DLG5: variants seen among roughly 807,000 people sequenced by gnomAD.
DLG5 encodes discs large MAGUK scaffold protein 5, also known as disks large homolog 5.
A neutral mutation model predicts 189.8 loss-of-function variants in DLG5; 48 were observed. The observed-to-expected ratio is 0.25, with a 90% CI of 0.20 to 0.32. The LOEUF (loss-of-function observed/expected upper bound fraction) is 0.32, where lower values mean the gene tolerates loss of function less well. DLG5 is among the 10% of genes least tolerant of loss of function. The pLI is 1.00. For missense variants in DLG5, 2,160 were observed against 2,544.7 expected (o/e 0.85, Z 3.25); for synonymous variants, 1,016 against 1,054.1 (o/e 0.96, Z 0.70).
chr10:77,926,642 C>CCATG lies in DLG5; in HGVS notation c.-126_-123dup, dbSNP rs1350637410. On this transcript the variant is annotated 5_prime_UTR_variant, in exon 1 of 32. The change creates a new upstream start codon in the 5' untranslated region. Coordinates refer to ENST00000372391, the MANE Select transcript of DLG5 (RefSeq NM_004747.4). This position sits in a 1 kb window ranked among gnomAD's most constrained non-coding sequence, Gnocchi z 5.2. ...GCCGGGAGCCGTGAGGCGGCGGGAGCCATGGGCCGGGGCCTGGGCGGGCTG... is the reference window on the plus strand; with the variant it reads ...GCCGGGAGCCGTGAGGCGGCGGGAGCCATGCATGGGCCGGGGCCTGGGCGGGCTG... 1.4e-6 allele frequency: 1 copy of CCATG among 739,666 alleles called. No individual in the cohort carries two copies. Among genetic ancestry groups the CCATG allele is most frequent in the African/African-American group, 1.9e-5 (1 of 52,520 alleles). 45.8% of individuals were successfully genotyped at this position (739,666 alleles called of 1,614,324 possible).
rs756528298 is a variant in DLG5, at chr10:77,834,052, G to T, written c.1623-13C>A. The T allele has an allele frequency of 6.2e-7, 1 of 1,607,402 alleles. No homozygotes were observed. The highest frequency in any genetic ancestry group is 8.5e-7 in the Non-Finnish European group (1 of 1,178,880). ...GTCACACAGTGTCCTGGTGGAAGGA[G>T]CAGAGGACAAGGTCATCTCAAGAGG... On this transcript the variant is annotated splice_polypyrimidine_tract_variant and intron_variant, in intron 8 of 31. Transcript: ENST00000372391.
chr10:77,902,076 C>G (rs2154577907), intron 1 of DLG5, among the ~76,000 whole-genome samples: 1 of 152,358 alleles, frequency 6.6e-6, no homozygotes, highest in Admixed American at 6.5e-5. Flanking sequence ...CACACCACAG[C>G]TCTCCCTTAG....
intron 1 of DLG5, among the ~76,000 whole-genome samples, chr10:77,883,691 CTTTTT>C (rs36028891): frequency 6.2e-5 from 6 of 96,460 alleles, no homozygotes; most frequent in Non-Finnish European, 1.2e-4. Context: ...TAACATTGTT[CTTTTT>C]TTTTTTTTTT....
At chr10:77,884,567 G>A (rs1845381974) in intron 1 of DLG5, among the ~76,000 whole-genome samples, 1 of 152,118 alleles carries the variant, frequency 6.6e-6, no homozygotes, top group African/African-American at 2.4e-5. Context: ...CAGGCTTCCC[G>A]TAATTAATTA....
chr10:77,890,174 C>A (rs1278716206), intron 1 of DLG5, among the ~76,000 whole-genome samples: 2 of 152,176 alleles, frequency 1.3e-5, no homozygotes, highest in African/African-American at 4.8e-5. Flanking sequence ...TAGACAACAG[C>A]TAGCAGGATT....
At chr10:77,903,023 AT>A (rs1845975467) in intron 1 of DLG5, among the ~76,000 whole-genome samples, 1 of 152,252 alleles carries the variant, frequency 6.6e-6, no homozygotes, top group African/African-American at 2.4e-5. Flanking sequence ...ATGCTCCAGA[AT>A]CCCAAACTTT....
chr10:77,868,268 C>A, intron 2 of DLG5: 1 of 371,082 alleles, frequency 2.7e-6, no homozygotes, highest in Admixed American at 3.3e-5. Flanking sequence ...CTTACTGCAG[C>A]TACTTATTTA....
At chr10:77,932,452 A>C in the DLG5 span, among the ~76,000 whole-genome samples, 2 of 152,162 alleles carry the variant, frequency 1.3e-5, no homozygotes, top group African/African-American at 2.4e-5. Context: ...TTGAGGCCCT[A>C]CTTCAAAATA....
the DLG5 span, among the ~76,000 whole-genome samples, chr10:77,932,114 G>A: frequency 6.6e-6 from 1 of 152,214 alleles, no homozygotes; most frequent in Non-Finnish European, 1.5e-5. Context: ...GTGAAATGGG[G>A]ATGTCAATAA....
Position 77,813,836 on chromosome 10 carries a change from G to A in DLG5, c.4026-1459C>T, listed in dbSNP as rs146703606. On this transcript the variant is annotated intron_variant, in intron 20 of 31. Transcript: ENST00000372391. ...GACACACCACGGGGTGGGGAGGCCCGATCGGCATCATTTCACTTATATTTA... is the reference window on the plus strand; with the variant it reads ...GACACACCACGGGGTGGGGAGGCCCAATCGGCATCATTTCACTTATATTTA... Among the ~76,000 whole-genome samples, 519 of 152,310 alleles carry A rather than the reference G, an allele frequency of 3.4e-3. 4 individuals carry two copies. Among genetic ancestry groups the A allele is most frequent in the African/African-American group, 0.012 (490 of 41,572 alleles).
intron 1 of DLG5, among the ~76,000 whole-genome samples, chr10:77,913,555 C>T (rs574030100): frequency 1.3e-5 from 2 of 152,146 alleles, no homozygotes; most frequent in East Asian, 3.9e-4. Context: ...GTTACATTAT[C>T]CTCTCTGTTC....
At chr10:77,864,049 A>C (rs1000435199) in intron 2 of DLG5, among the ~76,000 whole-genome samples, 2 of 152,196 alleles carry the variant, frequency 1.3e-5, no homozygotes, top group Non-Finnish European at 2.9e-5. Context: ...GGGTGTAAGA[A>C]GGAGGGCAGA....
intron 1 of DLG5, among the ~76,000 whole-genome samples, chr10:77,889,959 G>A (rs1845558089): frequency 6.6e-6 from 1 of 152,092 alleles, no homozygotes; most frequent in Non-Finnish European, 1.5e-5. Context: ...AAAGCCAAGA[G>A]CATCCACTGA....
intron 1 of DLG5, among the ~76,000 whole-genome samples, chr10:77,894,951 G>T (rs1403261240): frequency 6.6e-6 from 1 of 152,198 alleles, no homozygotes; most frequent in African/African-American, 2.4e-5. Flanking sequence ...GAGGGGCAGG[G>T]CCACCTTCCT....
At chr10:77,917,632 G>T (rs538508000) in intron 1 of DLG5, among the ~76,000 whole-genome samples, 3 of 152,270 alleles carry the variant, frequency 2.0e-5, no homozygotes, top group African/African-American at 4.8e-5. Context: ...CAAGGTCTAG[G>T]GGGCCATGTA....
chr10:77,829,241 G>T, intron 12 of DLG5, 114 bp downstream of exon 12: 1 of 1,403,464 alleles, frequency 7.1e-7, no homozygotes, highest in Non-Finnish European at 9.9e-7. Flanking sequence ...CATTTAAATG[G>T]CATTGGCCCC....
chr10:77,887,145 C>T (rs963936389), intron 1 of DLG5, among the ~76,000 whole-genome samples: 5 of 152,348 alleles, frequency 3.3e-5, no homozygotes, highest in South Asian at 2.1e-4. Context: ...CTTCAGCCCC[C>T]AGGACAAACG....
At position 77,835,704 on chromosome 10, in the gene DLG5, C is replaced by T. The variant is rs79127321; in HGVS notation, c.1622+34G>A. On this transcript the variant is annotated intron_variant, in intron 8 of 31. Coordinates refer to ENST00000372391, the MANE Select transcript of DLG5 (RefSeq NM_004747.4). ...AGCAGGTCCCCTCATCCTGGGGAGA[C>T]GCAAGCCCACGCCAGCTTGAGGTCA... is the stretch of plus-strand genomic sequence containing the variant. 5,883 of 1,578,682 alleles carry T rather than the reference C, an allele frequency of 3.7e-3. 16 individuals carry two copies. The highest frequency in any genetic ancestry group is 4.7e-3 in the Admixed American group (276 of 58,548).
intron 1 of DLG5, among the ~76,000 whole-genome samples, chr10:77,884,893 C>A (rs973146439): frequency 2.0e-5 from 3 of 152,134 alleles, no homozygotes; most frequent in Non-Finnish European, 4.4e-5. Context: ...TTGGAAATGG[C>A]GGACTTCAGA....
Sources: allele counts gnomAD v4.1 joint callset (sites outside exome capture counted in the v4.1 genomes callset), GRCh38; gene constraint gnomAD v4.1.1; non-coding constraint Gnocchi (gnomAD v3.1); transcripts MANE v1.5; gene names NCBI Gene and HGNC (gene_info 2026-07-23, HGNC 2026-07-21).